Variants in MGLL observed in about 807,000 individuals in gnomAD.
MGLL encodes monoglyceride lipase, also known as lysophospholipase homolog.
MGLL carries 7 observed loss-of-function variants against 29.1 expected under a neutral mutation model. The observed-to-expected ratio is 0.24, with a 90% CI of 0.14 to 0.45. The LOEUF (loss-of-function observed/expected upper bound fraction) is 0.45, where lower values mean the gene tolerates loss of function less well. Among genes scored for constraint, MGLL ranks in the 20% least tolerant of loss-of-function variants. The probability of loss-of-function intolerance (pLI) is 0.99; values close to 1 mark genes in which losing one functional copy is unlikely to be tolerated. For missense variants in MGLL, 356 were observed against 413.6 expected, an observed-to-expected ratio of 0.86 and a Z score of 1.21; for synonymous variants, 148 against 168.3, an observed-to-expected ratio of 0.88 and a Z score of 0.93.
chr3:127,766,686 C>G (rs2076861564), intron 3 of MGLL, among the ~76,000 whole-genome samples: 1 of 152,196 alleles, frequency 6.6e-6, no homozygotes, highest in Non-Finnish European at 1.5e-5. Context: ...ATAATCAATG[C>G]AAAACCACAT....
At chr3:127,782,282 G>A (rs1184695312) in intron 2 of MGLL, among the ~76,000 whole-genome samples, 1 of 152,134 alleles carries the variant, frequency 6.6e-6, no homozygotes, top group East Asian at 1.9e-4. Flanking sequence ...AGCAGTACCA[G>A]AGCTTACAAA....
At chr3:127,800,892 CAG>C (rs1176215435) in intron 2 of MGLL, among the ~76,000 whole-genome samples, 1 of 152,212 alleles carries the variant, frequency 6.6e-6, no homozygotes, top group African/African-American at 2.4e-5. Context: ...AAACTCAGCT[CAG>C]AGTCCCGTAG....
chr3:127,691,352 C>T lies in MGLL; in HGVS notation c.*846G>A. ...ACTCCCCTTGCTCCCTCCCACCTAT[C>T]CACCAAAATAGTCTCTGCTTTAAAA... On this transcript the variant is annotated 3_prime_UTR_variant, in exon 8 of 8. Coordinates refer to ENST00000265052, the MANE Select transcript of MGLL (RefSeq NM_007283.7). 6.6e-6 allele frequency: 1 copy of T among 152,488 alleles called. No homozygotes were observed. The allele number at this position is 152,488 out of a possible 1,614,324, so 9.4% of individuals were successfully genotyped here. A position where few individuals can be genotyped will look rare whatever the true frequency, so the allele number is the denominator to read the frequency against.
At chr3:127,725,762 A>T (rs1418029368) in intron 3 of MGLL, among the ~76,000 whole-genome samples, 5 of 152,224 alleles carry the variant, frequency 3.3e-5, no homozygotes, top group Non-Finnish European at 7.3e-5. Flanking sequence ...AAAATGGCTG[A>T]ATCTTTTAAA....
At position 127,751,782 on chromosome 3, in the gene MGLL, T is replaced by C. The variant is rs139866963; in HGVS notation, c.263-29216A>G. Reference sequence around the variant, plus strand: ...AAATAAAATAAAACTAAAAACACTTTTGGCTTGATTGAAACTGTCCCTCAG... The same window carrying C: ...AAATAAAATAAAACTAAAAACACTTCTGGCTTGATTGAAACTGTCCCTCAG... On this transcript the variant is annotated intron_variant, in intron 3 of 7. Coordinates refer to ENST00000265052, the MANE Select transcript of MGLL (RefSeq NM_007283.7). 1.1e-3 allele frequency among the ~76,000 whole-genome samples: 165 copies of C among 152,292 alleles called. 1 individual carries two copies. Among genetic ancestry groups the C allele is most frequent in the Admixed American group, 2.1e-3 (32 of 15,298 alleles).
intron 2 of MGLL, among the ~76,000 whole-genome samples, chr3:127,820,940 A>T (rs1001131797): frequency 1.3e-5 from 2 of 152,194 alleles, no homozygotes; most frequent in Non-Finnish European, 2.9e-5. Flanking sequence ...ACAAAGAGAG[A>T]CATAATCCAA....
intron 3 of MGLL, among the ~76,000 whole-genome samples, chr3:127,741,856 T>C (rs1312464673): frequency 6.6e-6 from 1 of 152,276 alleles, no homozygotes; most frequent in Non-Finnish European, 1.5e-5. Context: ...TGTAACTTCA[T>C]ATACATAATC....
intron 3 of MGLL, among the ~76,000 whole-genome samples, chr3:127,746,708 A>T (rs2076451656): frequency 6.6e-6 from 1 of 151,858 alleles, no homozygotes; most frequent in Non-Finnish European, 1.5e-5. Flanking sequence ...AGAGGCATGC[A>T]CGCCATCCTT....
At chr3:127,723,428 A>G (rs6772802) in intron 3 of MGLL, among the ~76,000 whole-genome samples, 16,634 of 152,194 alleles carry the variant, frequency 0.11, 1,066 homozygotes, top group African/African-American at 0.18. Flanking sequence ...AGGCTGCTGC[A>G]GTAATAACGG....
At chr3:127,749,949 C>A (rs1392958277) in intron 3 of MGLL, among the ~76,000 whole-genome samples, 1 of 152,112 alleles carries the variant, frequency 6.6e-6, no homozygotes, top group Non-Finnish European at 1.5e-5. Flanking sequence ...CCAATGGGCC[C>A]AGTAGGTGGG....
chr3:127,778,258 T>C (rs1048358942), intron 3 of MGLL, among the ~76,000 whole-genome samples: 1 of 152,206 alleles, frequency 6.6e-6, no homozygotes, highest in African/African-American at 2.4e-5. Flanking sequence ...TTTTCCTATC[T>C]ATTGCTTCAC....
At chr3:127,713,961 G>A (rs529163591) in intron 5 of MGLL, 2 of 152,274 alleles carry the variant, frequency 1.3e-5, no homozygotes, top group African/African-American at 2.4e-5. Context: ...GCCAGAGAGA[G>A]AGCCTGCCTC....
intron 2 of MGLL, among the ~76,000 whole-genome samples, chr3:127,799,752 G>A (rs1427167438): frequency 1.3e-5 from 2 of 152,108 alleles, no homozygotes; most frequent in African/African-American, 4.8e-5. Context: ...GCAAAGGAAG[G>A]GCTTCATATT....
At chr3:127,812,457 A>T (rs2077678880) in intron 2 of MGLL, among the ~76,000 whole-genome samples, 1 of 152,204 alleles carries the variant, frequency 6.6e-6, no homozygotes, top group African/African-American at 2.4e-5. Flanking sequence ...TGAAGAAACA[A>T]AAAAGTTAAG....
At chr3:127,798,219 C>T (rs2077417579) in intron 2 of MGLL, among the ~76,000 whole-genome samples, 1 of 152,214 alleles carries the variant, frequency 6.6e-6, no homozygotes, top group Non-Finnish European at 1.5e-5. Flanking sequence ...TTGTGATAAT[C>T]ACTCTTTTGC....
chr3:127,720,069 T>G (rs1327439960), intron 5 of MGLL, among the ~76,000 whole-genome samples: 1 of 152,198 alleles, frequency 6.6e-6, no homozygotes, highest in African/African-American at 2.4e-5. Flanking sequence ...TAAGGTTTCA[T>G]TCCCTGTACT....
chr3:127,693,090 G>A (rs997931761), intron 7 of MGLL, among the ~76,000 whole-genome samples: 2 of 152,178 alleles, frequency 1.3e-5, no homozygotes, highest in African/African-American at 4.8e-5. Context: ...TTTCTGGCAG[G>A]GACCTCCAGA....
intron 3 of MGLL, among the ~76,000 whole-genome samples, chr3:127,743,327 T>C (rs1371415059): frequency 2.0e-5 from 3 of 152,180 alleles, no homozygotes; most frequent in East Asian, 1.9e-4. Context: ...AACTTGAATA[T>C]GCTTTTAAAA....
intron 5 of MGLL, among the ~76,000 whole-genome samples, chr3:127,716,807 A>G (rs1423911825): frequency 1.3e-5 from 2 of 152,236 alleles, no homozygotes; most frequent in Non-Finnish European, 2.9e-5. Context: ...GGACAGCACT[A>G]TGACAAGGGT....
Sources: allele counts gnomAD v4.1 joint callset (sites outside exome capture counted in the v4.1 genomes callset), GRCh38; gene constraint gnomAD v4.1.1; transcripts MANE v1.5; gene names NCBI Gene and HGNC (gene_info 2026-07-23, HGNC 2026-07-21).